The following ZHX3 variants were observed in gnomAD, a reference collection of about 807,000 sequenced individuals.
ZHX3 encodes the protein zinc fingers and homeoboxes protein 3.
In ZHX3, 20 loss-of-function variants were observed where a neutral mutation model predicts 64.5. The ratio of observed to expected loss-of-function variants is 0.31; its 90% CI spans 0.22 to 0.45. The LOEUF (loss-of-function observed/expected upper bound fraction) is 0.45. Among genes scored for constraint, ZHX3 ranks in the 20% least tolerant of loss-of-function variants. ZHX3 has a pLI of 1.00. For synonymous variants in ZHX3, 423 were observed against 461.6 expected, an observed-to-expected ratio of 0.92 and a Z score of 1.07; for missense variants, 1,041 against 1,195.8, an observed-to-expected ratio of 0.87 and a Z score of 1.91.
chr20:41,192,330 G>A (rs1001539043), intron 3 of ZHX3, among the ~76,000 whole-genome samples: 3 of 152,194 alleles, frequency 2.0e-5, no homozygotes, highest in African/African-American at 4.8e-5. Context: ...AAGCCAGGCT[G>A]GGCAGTCTCA....
chr20:41,253,452 CTCATT>C (rs2042088642), intron 2 of ZHX3, among the ~76,000 whole-genome samples: 1 of 152,086 alleles, frequency 6.6e-6, no homozygotes, highest in Non-Finnish European at 1.5e-5. Context: ...CCATCTACTT[CTCATT>C]TATGTTTTCT....
At position 41,228,143 on chromosome 20, in the gene ZHX3, CA is replaced by C. The variant is rs2040384419; in HGVS notation, c.-150-23078del. 6.6e-6 allele frequency among the ~76,000 whole-genome samples: 1 copy of C among 152,136 alleles called. No individual in the cohort carries two copies. Among genetic ancestry groups the C allele is most frequent in the Non-Finnish European group, 1.5e-5 (1 of 68,024 alleles). ...ACCTCTATAACCTCTCCAAAGGGAG[CA>C]AACTCATGCCCAGGACTTTGCAATC... On this transcript the variant is annotated intron_variant, in intron 2 of 3. Coordinates refer to ENST00000683867, the MANE Select transcript of ZHX3 (RefSeq NM_001384317.1). This position sits in a 1 kb window ranked among gnomAD's most constrained non-coding sequence, Gnocchi z 4.6.
At chr20:41,289,151 C>A (rs1221084355) in intron 1 of ZHX3, among the ~76,000 whole-genome samples, 3 of 151,770 alleles carry the variant, frequency 2.0e-5, no homozygotes, top group Non-Finnish European at 4.4e-5. Context: ...ATGTCATGTC[C>A]AGTTAATTTT....
At chr20:41,249,862 C>G in intron 2 of ZHX3, among the ~76,000 whole-genome samples, 1 of 152,126 alleles carries the variant, frequency 6.6e-6, no homozygotes, top group East Asian at 1.9e-4. Flanking sequence ...AACATAGCAG[C>G]ACATCTTATG....
rs1190005373 is a variant in ZHX3 at position 41,205,043 on chromosome 20, G to A, written c.-127C>T. 1.5e-6 allele frequency: 2 copies of A among 1,361,874 alleles called. No individual in the cohort carries two copies. Among genetic ancestry groups the A allele is most frequent in the South Asian group, 2.1e-5 (1 of 47,614 alleles). The allele number at this position is 1,361,874 out of a possible 1,614,324, so 84.4% of individuals were successfully genotyped here. ...AATGCAGCTTTTTCAGTTGTTTGCA[G>A]AAAGCAGGTTTTCCCTATTCAATCT... On this transcript the variant is annotated 5_prime_UTR_variant, in exon 3 of 4. Transcript: ENST00000683867.
At chr20:41,243,140 T>C (rs1192204215) in intron 2 of ZHX3, among the ~76,000 whole-genome samples, 10 of 152,140 alleles carry the variant, frequency 6.6e-5, no homozygotes, top group Non-Finnish European at 1.5e-4. Flanking sequence ...AAATACTTCC[T>C]CTATAAAATA....
intron 1 of ZHX3, among the ~76,000 whole-genome samples, chr20:41,273,787 C>G (rs1026684663): frequency 2.0e-5 from 3 of 152,076 alleles, no homozygotes; most frequent in Non-Finnish European, 2.9e-5. Flanking sequence ...AATACTCCAA[C>G]TTTGTTTTTC....
At chr20:41,223,328 T>A (rs994635542) in intron 2 of ZHX3, among the ~76,000 whole-genome samples, 1 of 152,374 alleles carries the variant, frequency 6.6e-6, no homozygotes, top group South Asian at 2.1e-4. Flanking sequence ...CCTGCTGATA[T>A]ACTTTGCACA....
At chr20:41,309,658 TC>T (rs2045073612) in intron 1 of ZHX3, among the ~76,000 whole-genome samples, 1 of 152,124 alleles carries the variant, frequency 6.6e-6, no homozygotes, top group African/African-American at 2.4e-5. Flanking sequence ...TCGGGTAAAA[TC>T]CCCTGATCCT....
intron 1 of ZHX3, among the ~76,000 whole-genome samples, chr20:41,284,223 C>T (rs1054408188): frequency 6.6e-6 from 1 of 152,166 alleles, no homozygotes; most frequent in African/African-American, 2.4e-5. Context: ...TGGGTACTTA[C>T]AAGGTGCCAA....
chr20:41,197,709 T>C (rs1258056980), intron 3 of ZHX3, among the ~76,000 whole-genome samples: 1 of 152,008 alleles, frequency 6.6e-6, no homozygotes, highest in Non-Finnish European at 1.5e-5. Context: ...GCTATTTGTT[T>C]TTAATATGTC....
chr20:41,213,544 T>G (rs2039312861), intron 2 of ZHX3, among the ~76,000 whole-genome samples: 1 of 151,954 alleles, frequency 6.6e-6, no homozygotes, highest in Non-Finnish European at 1.5e-5. Context: ...TACCTGGAAG[T>G]AGCAACAACA....
At chr20:41,221,294 A>G (rs372770223) in intron 2 of ZHX3, among the ~76,000 whole-genome samples, 1 of 152,242 alleles carries the variant, frequency 6.6e-6, no homozygotes, top group South Asian at 2.1e-4. Flanking sequence ...ACGATGCCAC[A>G]TTATTTATAA....
intron 1 of ZHX3, among the ~76,000 whole-genome samples, chr20:41,287,458 C>G (rs928096765): frequency 6.6e-5 from 10 of 152,224 alleles, no homozygotes; most frequent in African/African-American, 2.4e-4. Flanking sequence ...GAAACCTCAT[C>G]TCCTTGAGTG....
At chr20:41,264,158 T>G in intron 2 of ZHX3, among the ~76,000 whole-genome samples, 1 of 151,856 alleles carries the variant, frequency 6.6e-6, no homozygotes, top group Non-Finnish European at 1.5e-5. Context: ...CCAGTAATCC[T>G]AGCACTTTGG....
chr20:41,307,152 T>C (rs923257596), intron 1 of ZHX3, among the ~76,000 whole-genome samples: 1 of 152,222 alleles, frequency 6.6e-6, no homozygotes, highest in Non-Finnish European at 1.5e-5. Flanking sequence ...ACTCTGGACA[T>C]GGCTTCACAG....
At chr20:41,193,144 A>G (rs1268756782) in intron 3 of ZHX3, among the ~76,000 whole-genome samples, 1 of 152,188 alleles carries the variant, frequency 6.6e-6, no homozygotes, top group Non-Finnish European at 1.5e-5. Context: ...GGCGAGTACA[A>G]AATGCCTCTA....
chr20:41,185,296 G>C lies in ZHX3; in HGVS notation c.2861-95C>G. On this transcript the variant is annotated intron_variant, in intron 3 of 3. Coordinates refer to ENST00000683867, the MANE Select transcript of ZHX3 (RefSeq NM_001384317.1). This position sits in a 1 kb window ranked among gnomAD's most constrained non-coding sequence, Gnocchi z 5.0. ...TTGCTATACCAGGGTGGCATCACTGGCTTTGAGGACCTCTTAATTCCATGA... is the reference window on the plus strand; with the variant it reads ...TTGCTATACCAGGGTGGCATCACTGCCTTTGAGGACCTCTTAATTCCATGA... 1 of 1,414,526 alleles carries C rather than the reference G, an allele frequency of 7.1e-7. No individual in the cohort carries two copies. 87.6% of individuals were successfully genotyped at this position (1,414,526 alleles called of 1,614,324 possible).
In ZHX3 at chr20:41,275,944, A is replaced by G. The variant is rs112033710; in HGVS notation, c.-244-6861T>C. On this transcript the variant is annotated intron_variant, in intron 1 of 3. Coordinates refer to ENST00000683867, the MANE Select transcript of ZHX3 (RefSeq NM_001384317.1). ...AAATTTATAAAAACACTAAACAAAC[A>G]AAGATTCAGAGGATGGGTTGGATAC... 5.9e-3 allele frequency among the ~76,000 whole-genome samples: 902 copies of G among 152,330 alleles called. 7 individuals are homozygous for G. The highest frequency in any genetic ancestry group is 0.02 in the African/African-American group (842 of 41,586).
Sources: gnomAD v4.1 joint callset for allele counts (sites outside exome capture counted in the v4.1 genomes callset) on GRCh38, gnomAD v4.1.1 for gene constraint, Gnocchi (gnomAD v3.1) non-coding constraint, MANE v1.5 for transcripts, NCBI Gene and HGNC (gene_info 2026-07-23, HGNC 2026-07-21) for gene names.